RPTOR: variants seen among roughly 807,000 people sequenced by gnomAD.
The protein encoded by RPTOR is regulatory associated protein of MTOR complex 1, also known as regulatory-associated protein of mTOR.
In RPTOR, 21 loss-of-function variants were observed where a neutral mutation model predicts 169.9. That is an observed-to-expected ratio of 0.12 (90% CI 0.09 to 0.18). The LOEUF (loss-of-function observed/expected upper bound fraction) is 0.18. Ranked by LOEUF, RPTOR falls within the 10% of genes least tolerant of loss-of-function variation. The probability of loss-of-function intolerance (pLI) is 1.00; values close to 1 mark genes in which losing one functional copy is unlikely to be tolerated. For synonymous variants in RPTOR, 732 were observed against 753.2 expected (o/e 0.97, Z 0.46); for missense variants, 1,133 against 1,855.9 (o/e 0.61, Z 7.16).
At chr17:80,922,539 C>T (rs2068757987) in intron 21 of RPTOR, among the ~76,000 whole-genome samples, 185 bp from the exon 22 acceptor site, 1 of 152,218 alleles carries the variant, frequency 6.6e-6, no homozygotes, top group African/African-American at 2.4e-5. Flanking sequence ...TAAAGAATAC[C>T]ACTTGAGCTT....
Position 80,643,256 on chromosome 17 carries a change from A to AT in RPTOR, c.266-464dup, listed in dbSNP as rs34269060. On this transcript the variant is annotated intron_variant, in intron 2 of 33. Transcript: ENST00000306801. ...ACATGAATGTACATTTGTGAAACGG[A>AT]TTTTTTTTGTGGGAATACTGAGTGC... Among the ~76,000 whole-genome samples, 149 of 152,086 alleles carry AT rather than the reference A, an allele frequency of 9.8e-4. 1 individual carries two copies. Among genetic ancestry groups the AT allele is most frequent in the Admixed American group, 1.6e-3 (24 of 15,284 alleles).
intron 1 of RPTOR, among the ~76,000 whole-genome samples, chr17:80,565,929 C>T (rs1276483434): frequency 6.6e-6 from 1 of 152,218 alleles, no homozygotes; most frequent in Non-Finnish European, 1.5e-5. Flanking sequence ...TTCTACACTG[C>T]TCTTGCTTAG....
intron 7 of RPTOR, chr17:80,805,615 T>C (rs953449687): frequency 1.3e-5 from 2 of 152,212 alleles, no homozygotes; most frequent in African/African-American, 4.8e-5. Flanking sequence ...TTTGCAGAAG[T>C]GCTTCAAAAA....
In RPTOR at chr17:80,925,385, G is replaced by A; in HGVS notation, c.2824G>A (p.Asp942Asn). 6.2e-7 allele frequency: 1 copy of A among 1,613,718 alleles called. No homozygotes were observed. Among genetic ancestry groups the A allele is most frequent in the Non-Finnish European group, 8.5e-7 (1 of 1,180,018 alleles). ...AACCCTGAAGACTGCGGACGACGCGGACGATGCTGCTGGACACAAAAGTTT... is the reference window on the plus strand; with the variant it reads ...AACCCTGAAGACTGCGGACGACGCGAACGATGCTGCTGGACACAAAAGTTT... ...KGPEQTADDA[D>N]DAAGHKSFIS... The change falls in exon 24 of 34, where the codon GAC becomes AAC. Residue 942 changes from aspartate to asparagine, a missense_variant. Physicochemically the swap from Asp to Asn is conservative, Grantham distance 23 (BLOSUM62 1). Around this residue, in one of 9 missense-constraint regions of RPTOR, gnomAD observed 410 missense variants for 623.7 expected, o/e 0.66. Coordinates refer to ENST00000306801, the MANE Select transcript of RPTOR (RefSeq NM_020761.3).
At chr17:80,884,938 C>G in intron 16 of RPTOR, 70 bp from the exon 17 acceptor site, 1 of 1,541,566 alleles carries the variant, frequency 6.5e-7, no homozygotes, top group African/African-American at 1.4e-5. Flanking sequence ...GCACACACAG[C>G]CCTGGCAGAA....
At chr17:80,888,411 G>A (rs924029094) in intron 17 of RPTOR, among the ~76,000 whole-genome samples, 5 of 152,348 alleles carry the variant, frequency 3.3e-5, no homozygotes, top group South Asian at 2.1e-4. Context: ...GACGCTGCTC[G>A]GGCCTGCTGT....
At chr17:80,836,201 C>T (rs1222699586) in intron 9 of RPTOR, among the ~76,000 whole-genome samples, 1 of 152,240 alleles carries the variant, frequency 6.6e-6, no homozygotes, top group African/African-American at 2.4e-5. Flanking sequence ...TGGGCCGGAG[C>T]TAGTGGGTAG....
chr17:80,897,803 G>T (rs938998350), intron 20 of RPTOR, among the ~76,000 whole-genome samples: 1 of 152,210 alleles, frequency 6.6e-6, no homozygotes, highest in East Asian at 1.9e-4. Flanking sequence ...TGAGGCAGGA[G>T]AGTTGCTTGA....
chr17:80,877,312 A>ACAGAT (rs2068132225), intron 13 of RPTOR, among the ~76,000 whole-genome samples: 1 of 152,162 alleles, frequency 6.6e-6, no homozygotes, highest in Non-Finnish European at 1.5e-5. Context: ...AGTTAGTGAA[A>ACAGAT]ATGTGTGTAT....
chr17:80,867,049 C>T (rs2068000916), intron 13 of RPTOR, among the ~76,000 whole-genome samples: 2 of 152,176 alleles, frequency 1.3e-5, no homozygotes, highest in Admixed American at 6.5e-5. Flanking sequence ...AGGTTAGACA[C>T]ACGTTACAAG....
chr17:80,845,960 C>A lies in RPTOR; in HGVS notation c.1213-513C>A, dbSNP rs536694296. Among the ~76,000 whole-genome samples, 1 of 152,322 alleles carries A rather than the reference C, an allele frequency of 6.6e-6. No individual in the cohort carries two copies. Among genetic ancestry groups the A allele is most frequent in the Admixed American group, 6.5e-5 (1 of 15,300 alleles). On this transcript the variant is annotated intron_variant, in intron 10 of 33. Coordinates refer to ENST00000306801, the MANE Select transcript of RPTOR (RefSeq NM_020761.3). The surrounding 1 kb of genome is among the most constrained non-coding windows in gnomAD (Gnocchi z 5.4). ...CCCTCCACTGCCGGGCCCTCACCGG[C>A]CCCAGCGCGGCCCCAGCTCATCTCC...
At chr17:80,918,457 G>GAGCACCCTCGCGGGGGTCATAGCCACT (rs2068702659) in intron 21 of RPTOR, among the ~76,000 whole-genome samples, 1 of 142,722 alleles carries the variant, frequency 7.0e-6, no homozygotes, top group Admixed American at 7.0e-5. Context: ...TCATAGCCAC[G>GAGCACCCTCGCGGGGGTCATAGCCACT]AGCACCCTCG....
intron 9 of RPTOR, among the ~76,000 whole-genome samples, chr17:80,824,711 A>G (rs2067419632): frequency 6.6e-6 from 1 of 152,248 alleles, no homozygotes; most frequent in African/African-American, 2.4e-5. Context: ...CAGGGCCTCC[A>G]GACTTGCAGG....
intron 4 of RPTOR, among the ~76,000 whole-genome samples, chr17:80,717,592 G>A (rs1275025146): frequency 6.6e-6 from 1 of 152,186 alleles, no homozygotes; most frequent in Non-Finnish European, 1.5e-5. Context: ...AGAGCATGCA[G>A]TCCTGTTGCC....
At chr17:80,919,669 C>T (rs1236802556) in intron 21 of RPTOR, among the ~76,000 whole-genome samples, 1 of 152,236 alleles carries the variant, frequency 6.6e-6, no homozygotes, top group African/African-American at 2.4e-5. Flanking sequence ...ATAAAAGACA[C>T]CTGCACCTCC....
chr17:80,597,666 A>AC (rs147979011), intron 1 of RPTOR, among the ~76,000 whole-genome samples: 45,829 of 151,520 alleles, frequency 0.3, 7,049 homozygotes, highest in Middle Eastern at 0.37. Context: ...ATGTACCTTC[A>AC]CACCCAGCTA....
At chr17:80,801,045 T>C (rs943933897) in intron 7 of RPTOR, among the ~76,000 whole-genome samples, 5 of 152,226 alleles carry the variant, frequency 3.3e-5, no homozygotes, top group Non-Finnish European at 7.3e-5. Flanking sequence ...TGGGTTTGAC[T>C]CTGGCTCTGA....
At chr17:80,840,388 CTCACTGCATGGCAGCTCACAT>C (rs1451977340) in intron 10 of RPTOR, among the ~76,000 whole-genome samples, 3 of 145,564 alleles carry the variant, frequency 2.1e-5, no homozygotes, top group East Asian at 2.1e-4. Context: ...GCAGCTCACT[CTCACTGCATGGCAGCTCACAT>C]TCACCGCATG....
intron 6 of RPTOR, among the ~76,000 whole-genome samples, chr17:80,780,901 G>A (rs891782710): frequency 1.3e-5 from 2 of 152,316 alleles, no homozygotes; most frequent in Non-Finnish European, 2.9e-5. Flanking sequence ...TTGAGCGTGC[G>A]CTCTCAGTTG....
Sources: allele counts gnomAD v4.1 joint callset (sites outside exome capture counted in the v4.1 genomes callset), GRCh38; gene constraint gnomAD v4.1.1; regional missense constraint gnomAD v4.1.1; non-coding constraint Gnocchi (gnomAD v3.1); transcripts MANE v1.5; gene names NCBI Gene and HGNC (gene_info 2026-07-23, HGNC 2026-07-21).